Variants in RBFOX1 observed in about 807,000 individuals in gnomAD.
The protein encoded by RBFOX1 is RNA binding fox-1 homolog 1, also known as RNA binding protein fox-1 homolog 1.
Under a neutral mutation model 57.7 loss-of-function variants are expected in RBFOX1, and 8 were observed. The ratio of observed to expected loss-of-function variants is 0.14; its 90% CI spans 0.08 to 0.25. The LOEUF is 0.25. Ranked by LOEUF, RBFOX1 falls within the 10% of genes least tolerant of loss-of-function variation. The probability of loss-of-function intolerance (pLI) is 1.00; values close to 1 mark genes in which losing one functional copy is unlikely to be tolerated. For synonymous variants in RBFOX1, 326 were observed against 222.4 expected, an observed-to-expected ratio of 1.47 and a Z score of -4.15; for missense variants, 611 against 548.5, an observed-to-expected ratio of 1.11 and a Z score of -1.14.
intron 3 of RBFOX1, among the ~76,000 whole-genome samples, chr16:6,713,955 C>A (rs964390100): frequency 1.3e-5 from 2 of 152,206 alleles, no homozygotes; most frequent in African/African-American, 4.8e-5. Context: ...CAATAATTCA[C>A]ATGAAAGTAG....
At chr16:7,445,091 A>C (rs913841822) in intron 4 of RBFOX1, among the ~76,000 whole-genome samples, 1 of 142,406 alleles carries the variant, frequency 7.0e-6, no homozygotes, top group African/African-American at 2.9e-5. Context: ...CTGTCTTGTC[A>C]GCTGGGGATG....
In RBFOX1 at chr16:7,218,939, T is replaced by C. The variant is rs943354796; in HGVS notation, c.27+166841T>C. Among the ~76,000 whole-genome samples, 6 of 152,242 alleles carry C rather than the reference T, an allele frequency of 3.9e-5. No individual in the cohort carries two copies. The East Asian group carries it at 1.2e-3, about 29-fold the overall frequency. On this transcript the variant is annotated intron_variant, in intron 4 of 15. Transcript: ENST00000550418. ...TCTCTCTTGGGTTTGGGCAGGCATA[T>C]GGTCTGTGCCTAGCAGAGCTGATAT...
intron 4 of RBFOX1, among the ~76,000 whole-genome samples, chr16:7,463,396 C>T (rs899725110): frequency 3.9e-5 from 6 of 152,102 alleles, no homozygotes; most frequent in African/African-American, 9.7e-5. Context: ...CTCCGATACT[C>T]GGGAGGCTGA....
At chr16:6,923,819 C>T (rs887742979) in intron 3 of RBFOX1, among the ~76,000 whole-genome samples, 4 of 152,102 alleles carry the variant, frequency 2.6e-5, no homozygotes, top group African/African-American at 9.7e-5. Context: ...AGCCATGAAA[C>T]TTCAGGCAAG....
intron 3 of RBFOX1, among the ~76,000 whole-genome samples, chr16:7,009,453 C>T (rs367544218): frequency 3.2e-4 from 48 of 151,952 alleles, no homozygotes; most frequent in East Asian, 5.9e-4. Flanking sequence ...CACTAACACA[C>T]GGCCATAGGA....
chr16:7,260,258 C>G (rs1437023435), intron 4 of RBFOX1, among the ~76,000 whole-genome samples: 1 of 152,192 alleles, frequency 6.6e-6, no homozygotes, highest in Admixed American at 6.5e-5. Context: ...TTTTCTTTAG[C>G]TGTTAACTTG....
At chr16:5,302,289 G>A (rs1037540745) in intron 1 of RBFOX1, among the ~76,000 whole-genome samples, 1 of 152,138 alleles carries the variant, frequency 6.6e-6, no homozygotes. Flanking sequence ...TGTTGTCAGA[G>A]AAATCATTTT....
chr16:6,600,535 C>T (rs111552200), intron 2 of RBFOX1, among the ~76,000 whole-genome samples: 84 of 152,274 alleles, frequency 5.5e-4, no homozygotes, highest in African/African-American at 1.6e-3. Flanking sequence ...TGGCCAGAGA[C>T]GAACGCTGTG....
chr16:7,572,996 T>C (rs1170813497), intron 5 of RBFOX1, among the ~76,000 whole-genome samples: 3 of 151,916 alleles, frequency 2.0e-5, no homozygotes, highest in African/African-American at 4.8e-5. Context: ...AGATAGGCAA[T>C]ATACAAAATC....
chr16:7,333,939 C>T (rs2096738113), intron 4 of RBFOX1, among the ~76,000 whole-genome samples: 1 of 151,852 alleles, frequency 6.6e-6, no homozygotes, highest in African/African-American at 2.4e-5. Flanking sequence ...TATAATCATC[C>T]CTTTGCAATA....
At chr16:7,334,316 C>T (rs1380377745) in intron 4 of RBFOX1, among the ~76,000 whole-genome samples, 2 of 152,040 alleles carry the variant, frequency 1.3e-5, no homozygotes, top group African/African-American at 2.4e-5. Flanking sequence ...TCCTTTGCAG[C>T]GTGGAACTTG....
intron 3 of RBFOX1, among the ~76,000 whole-genome samples, chr16:5,818,235 T>A (rs2055714996): frequency 6.6e-6 from 1 of 152,178 alleles, no homozygotes; most frequent in African/African-American, 2.4e-5. Context: ...CTCCAGGCAT[T>A]GTGTACCGTC....
At chr16:5,409,108 G>A (rs981179226) in intron 1 of RBFOX1, among the ~76,000 whole-genome samples, 29 of 152,226 alleles carry the variant, frequency 1.9e-4, no homozygotes, top group African/African-American at 7.0e-4. Context: ...CTGCAGGGCA[G>A]GTCCCAGGCA....
intron 3 of RBFOX1, among the ~76,000 whole-genome samples, chr16:5,862,319 C>T (rs371429934): frequency 3.6e-4 from 55 of 152,158 alleles, no homozygotes; most frequent in Non-Finnish European, 7.5e-4. Flanking sequence ...GGTCCGGCAC[C>T]GTGGTGTGTC....
At chr16:6,060,903 G>C (rs2095676956) in intron 1 of RBFOX1, among the ~76,000 whole-genome samples, 1 of 152,206 alleles carries the variant, frequency 6.6e-6, no homozygotes, top group South Asian at 2.1e-4. Context: ...TTTTCTCTCT[G>C]TAGATTTCTT....
At chr16:5,909,261 T>C (rs1183089129) in intron 4 of RBFOX1, among the ~76,000 whole-genome samples, 2 of 151,866 alleles carry the variant, frequency 1.3e-5, no homozygotes, top group Admixed American at 6.6e-5. Context: ...CCTGGGTAAT[T>C]TTTTGTATTT....
intron 3 of RBFOX1, among the ~76,000 whole-genome samples, chr16:6,847,951 T>A (rs573911612): frequency 6.6e-6 from 1 of 152,124 alleles, no homozygotes; most frequent in African/African-American, 2.4e-5. Flanking sequence ...TGCCTCAGCC[T>A]CCCAAATAGC....
chr16:7,629,195 C>T (rs898959249), intron 10 of RBFOX1, among the ~76,000 whole-genome samples: 1 of 152,084 alleles, frequency 6.6e-6, no homozygotes, highest in African/African-American at 2.4e-5. Flanking sequence ...AGTTGTCAGA[C>T]CGGTAACAGG....
chr16:5,569,426 A>G (rs935172597), intron 2 of RBFOX1, among the ~76,000 whole-genome samples: 3 of 132,900 alleles, frequency 2.3e-5, no homozygotes, highest in Admixed American at 8.1e-5. Flanking sequence ...AGGGTTAATG[A>G]TAAGAAGTAA....
Sources: gnomAD v4.1 joint callset for allele counts (sites outside exome capture counted in the v4.1 genomes callset) on GRCh38, gnomAD v4.1.1 for gene constraint, MANE v1.5 for transcripts, NCBI Gene and HGNC (gene_info 2026-07-23, HGNC 2026-07-21) for gene names.